FRMD4A: variants seen among roughly 807,000 people sequenced by gnomAD.
The protein encoded by FRMD4A is FERM domain-containing protein 4A.
A neutral mutation model predicts 129.1 loss-of-function variants in FRMD4A; 29 were observed. The ratio of observed to expected loss-of-function variants is 0.22; its 90% CI spans 0.17 to 0.31. The LOEUF (loss-of-function observed/expected upper bound fraction) is 0.31. Among genes scored for constraint, FRMD4A ranks in the 10% least tolerant of loss-of-function variants. The pLI is 1.00. For synonymous variants in FRMD4A, 634 were observed against 571.6 expected, an observed-to-expected ratio of 1.11 and a Z score of -1.56; for missense variants, 1,272 against 1,375.8, an observed-to-expected ratio of 0.92 and a Z score of 1.19.
intron 8 of FRMD4A, among the ~76,000 whole-genome samples, chr10:13,750,124 G>GAAAGAAAT (rs2091536706): frequency 7.4e-6 from 1 of 135,800 alleles, no homozygotes; most frequent in Admixed American, 7.5e-5. Flanking sequence ...AAGAAAGAAA[G>GAAAGAAAT]AAAGAAAGAA....
intron 2 of FRMD4A, among the ~76,000 whole-genome samples, chr10:14,148,868 G>A (rs966321114): frequency 3.9e-5 from 6 of 152,176 alleles, no homozygotes; most frequent in African/African-American, 9.6e-5. Flanking sequence ...GGGCAAGACC[G>A]TCTAGTGTTA....
At chr10:13,888,152 T>G (rs970862855) in intron 2 of FRMD4A, among the ~76,000 whole-genome samples, 4 of 152,164 alleles carry the variant, frequency 2.6e-5, no homozygotes, top group African/African-American at 9.7e-5. Flanking sequence ...ATACTACTGA[T>G]GTACTTCAGT....
rs539011843 is a variant in FRMD4A, at chr10:14,245,200, C to T, written c.45+84858G>A. On this transcript the variant is annotated intron_variant, in intron 2 of 24. Transcript: ENST00000357447. ...ATGGACCTTTCTTAGGCTGCTTGGG[C>T]TGGGATCAGTGGCAGTGGAGGACAT... Among the ~76,000 whole-genome samples, 3 of 152,316 alleles carry T rather than the reference C, an allele frequency of 2.0e-5. No homozygotes were observed. In the East Asian group the frequency reaches 5.8e-4, roughly 29 times the overall value.
intron 2 of FRMD4A, among the ~76,000 whole-genome samples, chr10:14,116,560 G>A (rs979960382): frequency 1.2e-4 from 19 of 152,208 alleles, no homozygotes; most frequent in Non-Finnish European, 1.5e-4. Flanking sequence ...GGCCATAGGG[G>A]TGGAGGAAGC....
intron 2 of FRMD4A, among the ~76,000 whole-genome samples, chr10:14,236,332 C>A (rs866570024): frequency 2.0e-5 from 3 of 152,100 alleles, no homozygotes; most frequent in Non-Finnish European, 4.4e-5. Flanking sequence ...GCAGGCTGAT[C>A]CAAGGAAAGA....
chr10:14,239,938 T>C (rs1843981267), intron 2 of FRMD4A, among the ~76,000 whole-genome samples: 1 of 152,206 alleles, frequency 6.6e-6, no homozygotes, highest in African/African-American at 2.4e-5. Flanking sequence ...GTAACACCTT[T>C]GGAAAAGTAA....
chr10:13,690,348 A>T (rs2085564831), intron 15 of FRMD4A, among the ~76,000 whole-genome samples: 1 of 152,246 alleles, frequency 6.6e-6, no homozygotes, highest in Non-Finnish European at 1.5e-5. Context: ...TGGCGCTGCC[A>T]ATGCTTTCAT....
intron 6 of FRMD4A, among the ~76,000 whole-genome samples, chr10:13,768,023 G>A (rs146266784): frequency 2.3e-4 from 33 of 145,708 alleles, no homozygotes; most frequent in African/African-American, 7.3e-4. Context: ...AATGCATGCT[G>A]CTTCCTTTGA....
intron 2 of FRMD4A, among the ~76,000 whole-genome samples, chr10:14,177,667 A>G (rs1304860460): frequency 6.6e-6 from 1 of 152,192 alleles, no homozygotes; most frequent in African/African-American, 2.4e-5. Context: ...GACTGATTGC[A>G]TGTTTAAGGC....
At chr10:13,962,688 C>G (rs1262939199) in intron 2 of FRMD4A, among the ~76,000 whole-genome samples, 1 of 152,140 alleles carries the variant, frequency 6.6e-6, no homozygotes, top group Non-Finnish European at 1.5e-5. Flanking sequence ...CTAAGTAGAC[C>G]TTTAGAAGCC....
At chr10:14,316,073 G>A (rs1048515565) in intron 2 of FRMD4A, among the ~76,000 whole-genome samples, 3 of 152,186 alleles carry the variant, frequency 2.0e-5, no homozygotes, top group Non-Finnish European at 4.4e-5. Context: ...CCTTGTATGA[G>A]ACCATGGGAA....
intron 2 of FRMD4A, among the ~76,000 whole-genome samples, chr10:14,154,570 G>T (rs1050217629): frequency 3.3e-5 from 5 of 152,224 alleles, no homozygotes; most frequent in Admixed American, 3.3e-4. Flanking sequence ...TACGTAACTA[G>T]AAAGTCAAAC....
chr10:14,106,958 A>C (rs1837619840), intron 2 of FRMD4A, among the ~76,000 whole-genome samples: 1 of 152,224 alleles, frequency 6.6e-6, no homozygotes, highest in South Asian at 2.1e-4. Context: ...CTAAGTGCCC[A>C]GCAATGGTGG....
intron 12 of FRMD4A, among the ~76,000 whole-genome samples, chr10:13,727,177 C>T (rs550717728): frequency 1.3e-5 from 2 of 152,334 alleles, no homozygotes; most frequent in East Asian, 3.9e-4. Flanking sequence ...GCTGGGATTA[C>T]ACATGTGAGC....
At chr10:14,318,210 T>A (rs1846821055) in intron 2 of FRMD4A, among the ~76,000 whole-genome samples, 1 of 152,146 alleles carries the variant, frequency 6.6e-6, no homozygotes, top group South Asian at 2.1e-4. Context: ...CATAGTCTCC[T>A]GTTCATTAAT....
intron 15 of FRMD4A, among the ~76,000 whole-genome samples, chr10:13,678,879 C>G (rs867166553): frequency 1.1e-4 from 17 of 152,152 alleles, no homozygotes; most frequent in Middle Eastern, 3.2e-3. Context: ...TATCCATTAT[C>G]CAAACATTGA....
At chr10:13,654,258 G>A (rs541603831) in intron 23 of FRMD4A, 158 bp downstream of exon 23, 81 of 656,100 alleles carry the variant, frequency 1.2e-4, no homozygotes, top group South Asian at 1.1e-3. Flanking sequence ...AGTAGGCAGA[G>A]GTGACAGCAG....
intron 2 of FRMD4A, among the ~76,000 whole-genome samples, chr10:14,141,031 G>T (rs1267891206): frequency 6.6e-6 from 1 of 152,118 alleles, no homozygotes; most frequent in African/African-American, 2.4e-5. Context: ...AGGGAGCTCA[G>T]CTGGGAGGTG....
chr10:14,208,422 C>T (rs563032700), intron 2 of FRMD4A, among the ~76,000 whole-genome samples: 1 of 152,132 alleles, frequency 6.6e-6, no homozygotes, highest in South Asian at 2.1e-4. Context: ...CCGCCTTACT[C>T]ATATGCTCTC....
Sources: gnomAD v4.1 joint callset for allele counts (sites outside exome capture counted in the v4.1 genomes callset) on GRCh38, gnomAD v4.1.1 for gene constraint, MANE v1.5 for transcripts, NCBI Gene and HGNC (gene_info 2026-07-23, HGNC 2026-07-21) for gene names.